Variants in ROBO1 observed in about 807,000 individuals in gnomAD.
ROBO1 encodes roundabout homolog 1.
In ROBO1, 149 loss-of-function variants were observed where a neutral mutation model predicts 195.9. The observed-to-expected ratio is 0.76, with a 90% CI of 0.67 to 0.87. ROBO1 has a LOEUF of 0.87. Ranked by LOEUF, ROBO1 falls within the 40% of genes least tolerant of loss-of-function variation. The pLI, the probability that ROBO1 is intolerant of heterozygous loss-of-function variation, is 0.00. For synonymous variants in ROBO1, 816 were observed against 733.2 expected, an observed-to-expected ratio of 1.11 and a Z score of -1.82; for missense variants, 1,933 against 2,068.3, an observed-to-expected ratio of 0.93 and a Z score of 1.27.
intron 2 of ROBO1, among the ~76,000 whole-genome samples, chr3:79,248,252 C>A (rs1362928208): frequency 6.6e-6 from 1 of 150,934 alleles, no homozygotes; most frequent in Non-Finnish European, 1.5e-5. Context: ...TAAATTTATT[C>A]ATTTAATAAA....
chr3:78,845,241 A>T, intron 4 of ROBO1, among the ~76,000 whole-genome samples: 1 of 144,122 alleles, frequency 6.9e-6, no homozygotes, highest in African/African-American at 2.7e-5. Context: ...ATGAATTCAG[A>T]TGTGTGTAAG....
intron 4 of ROBO1, among the ~76,000 whole-genome samples, chr3:78,824,883 C>G (rs990212457): frequency 6.6e-6 from 1 of 152,100 alleles, no homozygotes; most frequent in African/African-American, 2.4e-5. Context: ...ATTTTCTCTC[C>G]TTTTTGTTCT....
intron 1 of ROBO1, among the ~76,000 whole-genome samples, chr3:79,692,832 T>A (rs529523251): frequency 6.6e-6 from 1 of 151,978 alleles, no homozygotes; most frequent in South Asian, 2.1e-4. Flanking sequence ...GGTTTACAAT[T>A]TTTTTCAGAT....
chr3:79,451,779 T>C (rs1044795775), intron 2 of ROBO1, among the ~76,000 whole-genome samples: 1 of 151,932 alleles, frequency 6.6e-6, no homozygotes, highest in Admixed American at 6.6e-5. Context: ...GGAGTACCTA[T>C]AGGAGGTGTA....
chr3:79,358,181 T>C (rs2035631905), intron 2 of ROBO1, among the ~76,000 whole-genome samples: 1 of 152,090 alleles, frequency 6.6e-6, no homozygotes, highest in East Asian at 1.9e-4. Context: ...TGTGAAAAAA[T>C]ACTATTTATC....
chr3:79,319,462 T>G (rs1352146241), intron 2 of ROBO1, among the ~76,000 whole-genome samples: 1 of 152,168 alleles, frequency 6.6e-6, no homozygotes, highest in Non-Finnish European at 1.5e-5. Context: ...AATACCTGGG[T>G]GTAATAGCAG....
intron 2 of ROBO1, among the ~76,000 whole-genome samples, chr3:79,163,958 T>C (rs1371735256): frequency 6.6e-6 from 1 of 152,134 alleles, no homozygotes; most frequent in African/African-American, 2.4e-5. Context: ...GGTAATGACA[T>C]TGATGATTAT....
At chr3:79,711,664 ACACACACG>A (rs145965930) in intron 1 of ROBO1, among the ~76,000 whole-genome samples, 4,196 of 152,164 alleles carry the variant, frequency 0.028, 184 homozygotes, top group African/African-American at 0.095. Context: ...ACACACATAC[ACACACACG>A]CAGGCATGCC....
chr3:78,710,160 C>T (rs527447463), intron 8 of ROBO1, among the ~76,000 whole-genome samples: 118 of 152,192 alleles, frequency 7.8e-4, no homozygotes, highest in Middle Eastern at 3.4e-3. Context: ...ACTTCCCACT[C>T]GTGGACTCAA....
intron 1 of ROBO1, among the ~76,000 whole-genome samples, chr3:79,602,933 C>G (rs1054675853): frequency 6.6e-6 from 1 of 151,976 alleles, no homozygotes; most frequent in South Asian, 2.1e-4. Context: ...GATCTTGGCT[C>G]AACTCTTTTA....
intron 2 of ROBO1, among the ~76,000 whole-genome samples, chr3:79,143,469 C>G (rs2080575012): frequency 6.6e-6 from 1 of 152,066 alleles, no homozygotes. Flanking sequence ...CTGGTCATTA[C>G]AAACATGATA....
intron 23 of ROBO1, among the ~76,000 whole-genome samples, chr3:78,635,263 A>G (rs139045874): frequency 6.6e-6 from 1 of 152,358 alleles, no homozygotes; most frequent in African/African-American, 2.4e-5. Flanking sequence ...TTCTAAAATT[A>G]TACACTGTAG....
intron 4 of ROBO1, among the ~76,000 whole-genome samples, chr3:78,808,283 C>A (rs1397414728): frequency 6.6e-6 from 1 of 152,154 alleles, no homozygotes; most frequent in Non-Finnish European, 1.5e-5. Flanking sequence ...CGGCTCACTG[C>A]AACCTCTGCC....
At chr3:78,696,684 A>G (rs1422783523) in intron 8 of ROBO1, among the ~76,000 whole-genome samples, 6 of 148,266 alleles carry the variant, frequency 4.0e-5, no homozygotes, top group South Asian at 2.1e-4. Context: ...ATACATGTAT[A>G]CATACATATA....
chr3:78,997,427 C>T (rs1009242104), intron 3 of ROBO1, among the ~76,000 whole-genome samples: 1 of 152,014 alleles, frequency 6.6e-6, no homozygotes, highest in African/African-American at 2.4e-5. Flanking sequence ...TCTAAGCATT[C>T]GAGAAATGAA....
intron 3 of ROBO1, among the ~76,000 whole-genome samples, chr3:79,030,142 C>T (rs755597983): frequency 2.2e-4 from 33 of 152,138 alleles, no homozygotes; most frequent in African/African-American, 5.1e-4. Flanking sequence ...TAATGGAAAC[C>T]GGCAATTGCT....
chr3:78,848,692 C>A (rs760690629), intron 4 of ROBO1, among the ~76,000 whole-genome samples: 6 of 152,048 alleles, frequency 3.9e-5, no homozygotes, highest in Non-Finnish European at 5.9e-5. Context: ...AGAAGGACAG[C>A]GATCATTATC....
intron 3 of ROBO1, chr3:79,019,599 C>G (rs1453846066): frequency 4.1e-6 from 4 of 972,828 alleles, no homozygotes; most frequent in Non-Finnish European, 4.9e-6. Flanking sequence ...AGTTCTGCTC[C>G]TCAATATTTC....
chr3:79,252,287 A>G (rs899572529), intron 2 of ROBO1, among the ~76,000 whole-genome samples: 5 of 152,074 alleles, frequency 3.3e-5, no homozygotes, highest in Non-Finnish European at 5.9e-5. Context: ...AGGGTGTTGG[A>G]GATGTAATTA....
Sources: gnomAD v4.1 joint callset for allele counts (sites outside exome capture counted in the v4.1 genomes callset) on GRCh38, gnomAD v4.1.1 for gene constraint, MANE v1.5 for transcripts, NCBI Gene and HGNC (gene_info 2026-07-23, HGNC 2026-07-21) for gene names.